The following OSBPL1A variants were observed in gnomAD, a reference collection of about 807,000 sequenced individuals.
The protein encoded by OSBPL1A is oxysterol binding protein like 1A.
In OSBPL1A, 80 loss-of-function variants were observed where a neutral mutation model predicts 137.1. The observed-to-expected ratio is 0.58, with a 90% confidence interval of 0.49 to 0.70. The LOEUF (loss-of-function observed/expected upper bound fraction) is 0.70, where lower values mean the gene tolerates loss of function less well. Ranked by LOEUF, OSBPL1A falls within the 30% of genes least tolerant of loss-of-function variation. The pLI is 0.00. For missense variants in OSBPL1A, 970 were observed against 1,129.4 expected (o/e 0.86, Z 2.02); for synonymous variants, 365 against 389.7 (o/e 0.94, Z 0.75).
chr18:24,343,402 C>T (rs1333062567), intron 4 of OSBPL1A, among the ~76,000 whole-genome samples: 1 of 152,048 alleles, frequency 6.6e-6, no homozygotes, highest in Non-Finnish European at 1.5e-5. Flanking sequence ...GAATACTACC[C>T]AAAGCTATCT....
chr18:24,376,713 G>A (rs2146204328), intron 2 of OSBPL1A, among the ~76,000 whole-genome samples: 1 of 152,254 alleles, frequency 6.6e-6, no homozygotes, highest in East Asian at 1.9e-4. Flanking sequence ...TGCAGGTCCT[G>A]AGCCCTGCCC....
chr18:24,359,313 C>T (rs1278154256), intron 4 of OSBPL1A, among the ~76,000 whole-genome samples: 1 of 151,982 alleles, frequency 6.6e-6, no homozygotes, highest in Non-Finnish European at 1.5e-5. Context: ...GCCTCTAACT[C>T]CTGACTTCAA....
At chr18:24,225,511 CCT>C (rs776487476) in intron 16 of OSBPL1A, among the ~76,000 whole-genome samples, 9 of 152,170 alleles carry the variant, frequency 5.9e-5, no homozygotes, top group Admixed American at 2.6e-4. Context: ...AAAATTTCCA[CCT>C]CTTTCTTCCC....
chr18:24,269,605 A>G (rs1042073258), intron 15 of OSBPL1A, among the ~76,000 whole-genome samples: 1 of 152,216 alleles, frequency 6.6e-6, no homozygotes, highest in South Asian at 2.1e-4. Context: ...TCCTCAATGG[A>G]CCATTATAAA....
chr18:24,253,164 T>TGGGGGG (rs142115823), intron 15 of OSBPL1A, among the ~76,000 whole-genome samples: 1 of 58,060 alleles, frequency 1.7e-5, no homozygotes, highest in Admixed American at 2.2e-4. Context: ...TGAAAAGACA[T>TGGGGGG]GGCGGGGGGG....
chr18:24,278,221 AAAC>A (rs1355803876), intron 15 of OSBPL1A, among the ~76,000 whole-genome samples: 1 of 152,246 alleles, frequency 6.6e-6, no homozygotes, highest in East Asian at 1.9e-4. Context: ...CTTGTCATTT[AAAC>A]AACAAGAATG....
At chr18:24,378,126 A>G (rs1346844615) in intron 1 of OSBPL1A, among the ~76,000 whole-genome samples, 1 of 152,224 alleles carries the variant, frequency 6.6e-6, no homozygotes, top group Non-Finnish European at 1.5e-5. Context: ...AATATAGAAA[A>G]TTACAACCAA....
intron 2 of OSBPL1A, among the ~76,000 whole-genome samples, chr18:24,375,252 C>T (rs1354941122): frequency 1.5e-5 from 2 of 137,780 alleles, no homozygotes; most frequent in Non-Finnish European, 3.0e-5. Context: ...AAGTCTGAGG[C>T]TGCCATGAAC....
chr18:24,268,474 T>C (rs2089636835), intron 15 of OSBPL1A, among the ~76,000 whole-genome samples: 1 of 152,024 alleles, frequency 6.6e-6, no homozygotes, highest in Admixed American at 6.6e-5. Context: ...CCAACCACCA[T>C]GGCACACATA....
At chr18:24,238,603 G>C (rs1197689382) in intron 16 of OSBPL1A, among the ~76,000 whole-genome samples, 3 of 152,154 alleles carry the variant, frequency 2.0e-5, no homozygotes, top group Admixed American at 6.5e-5. Context: ...TAAATATGCG[G>C]AAACTATGAA....
chr18:24,322,762 G>A (rs778217362), intron 7 of OSBPL1A, among the ~76,000 whole-genome samples: 10 of 151,940 alleles, frequency 6.6e-5, no homozygotes, highest in Non-Finnish European at 1.5e-4. Flanking sequence ...CCAGAAGAGA[G>A]ACCTCATTTC....
chr18:24,245,716 T>C (rs758126237), intron 15 of OSBPL1A, among the ~76,000 whole-genome samples: 3 of 152,228 alleles, frequency 2.0e-5, no homozygotes, highest in Non-Finnish European at 4.4e-5. Context: ...GTCTTCATTA[T>C]AGTATAGTAT....
At chr18:24,193,395 G>A (rs2145940856) in intron 18 of OSBPL1A, among the ~76,000 whole-genome samples, 1 of 151,766 alleles carries the variant, frequency 6.6e-6, no homozygotes, top group South Asian at 2.1e-4. Context: ...GGCTGAGGCA[G>A]GAGAATCACT....
intron 5 of OSBPL1A, among the ~76,000 whole-genome samples, chr18:24,334,761 C>T (rs549448260): frequency 3.3e-5 from 5 of 152,108 alleles, no homozygotes; most frequent in Admixed American, 6.5e-5. Flanking sequence ...TAAATTGCCA[C>T]ATAAAAATAT....
In OSBPL1A at chr18:24,326,639, G is replaced by T. The variant is rs115686329; in HGVS notation, c.625+6303C>A. On this transcript the variant is annotated intron_variant, in intron 7 of 27. Transcript: ENST00000319481. Reference sequence around the variant, plus strand: ...AGACAGACACACAAGGCAGCCATCTGGGTTCCTAACAGTTCTCTGGTTCCC... The same window carrying T: ...AGACAGACACACAAGGCAGCCATCTTGGTTCCTAACAGTTCTCTGGTTCCC... Among the ~76,000 whole-genome samples the T allele has an allele frequency of 8.8e-3, 1,341 of 152,296 alleles. 19 individuals carry two copies. Among genetic ancestry groups the T allele is most frequent in the African/African-American group, 0.031 (1,279 of 41,548 alleles).
At chr18:24,210,362 T>C (rs2087500294) in intron 17 of OSBPL1A, among the ~76,000 whole-genome samples, 1 of 151,846 alleles carries the variant, frequency 6.6e-6, no homozygotes, top group Non-Finnish European at 1.5e-5. Flanking sequence ...GAGGTGGAGG[T>C]TGCCAAAATC....
chr18:24,385,373 A>T (rs2144267874), intron 1 of OSBPL1A, among the ~76,000 whole-genome samples: 1 of 152,282 alleles, frequency 6.6e-6, no homozygotes, highest in Admixed American at 6.5e-5. Flanking sequence ...CCTGGGTAAC[A>T]GAAGGAGATC....
At chr18:24,178,853 G>A (rs759479409) in intron 20 of OSBPL1A, among the ~76,000 whole-genome samples, 1 of 152,060 alleles carries the variant, frequency 6.6e-6, no homozygotes, top group East Asian at 1.9e-4. Context: ...CTTGTGCAGA[G>A]AAGAGGAGGA....
At chr18:24,302,177 T>G (rs902940430) in intron 14 of OSBPL1A, among the ~76,000 whole-genome samples, 79 of 145,120 alleles carry the variant, frequency 5.4e-4, no homozygotes, top group African/African-American at 2.0e-3. Flanking sequence ...GAGCTTGCAG[T>G]GAGCCAAGAT....
Sources: gnomAD v4.1 joint callset for allele counts (sites outside exome capture counted in the v4.1 genomes callset) on GRCh38, gnomAD v4.1.1 for gene constraint, MANE v1.5 for transcripts, NCBI Gene and HGNC (gene_info 2026-07-23, HGNC 2026-07-21) for gene names.